Variants in FNIP1 observed in about 807,000 individuals in gnomAD.
FNIP1 encodes folliculin-interacting protein 1.
Under a neutral mutation model 124.5 loss-of-function variants are expected in FNIP1, and 40 were observed. That is an observed-to-expected ratio of 0.32 (90% confidence interval 0.25 to 0.42). The LOEUF is 0.42. Ranked by LOEUF, FNIP1 falls within the 10% of genes least tolerant of loss-of-function variation. The pLI, the probability that FNIP1 is intolerant of heterozygous loss-of-function variation, is 1.00. For missense variants in FNIP1, 1,176 were observed against 1,403.7 expected (o/e 0.84, Z 2.59); for synonymous variants, 472 against 470.6 (o/e 1.00, Z -0.04).
chr5:131,712,179 A>AG lies in FNIP1; in HGVS notation c.623-1519_623-1518insC, dbSNP rs1769314363. Among the ~76,000 whole-genome samples the AG allele has an allele frequency of 2.6e-5, 4 of 151,708 alleles. No individual in the cohort carries two copies. The South Asian group carries it at 8.3e-4, about 31-fold the overall frequency. On this transcript the variant is annotated intron_variant, in intron 6 of 17. Coordinates refer to ENST00000510461, the MANE Select transcript of FNIP1 (RefSeq NM_133372.3). ...TGCTAGTGACTTATTAAAAAATCCT[A>AG]AGTTCCTTCCTCCCTTCCAAAGTTA... is the stretch of plus-strand genomic sequence containing the variant.
intron 1 of FNIP1, among the ~76,000 whole-genome samples, chr5:131,754,045 C>T (rs1233729630): frequency 6.6e-6 from 1 of 152,194 alleles, no homozygotes; most frequent in African/African-American, 2.4e-5. Context: ...ATCTCTTGAC[C>T]TCGTGATGTG....
At chr5:131,786,362 CAAGT>C (rs1407499843) in intron 1 of FNIP1, among the ~76,000 whole-genome samples, 3 of 152,124 alleles carry the variant, frequency 2.0e-5, no homozygotes, top group Non-Finnish European at 2.9e-5. Context: ...AAAACACAAG[CAAGT>C]ATCTGCCACA....
At chr5:131,754,822 G>C (rs1770990447) in intron 1 of FNIP1, among the ~76,000 whole-genome samples, 1 of 152,188 alleles carries the variant, frequency 6.6e-6, no homozygotes, top group Non-Finnish European at 1.5e-5. Flanking sequence ...TTGAAGAACT[G>C]ACAAGATAGA....
Position 131,677,755 on chromosome 5 carries a change from A to C in FNIP1, c.1467T>G (p.Ser489Arg). ...GATGAGTCTTTGCCAACATGTCCAC[A>C]CTCTGAGAGGAATGCTTTTCTAAAA... ...KIFLEKHSSQ[S>R]VDMLAKTHPY... is the part of the protein sequence containing the mutation. The change falls in exon 13 of 18, where the codon AGT (serine) becomes AGG (arginine). Residue 489 changes from serine (S) to arginine (R), a missense_variant. Physicochemically the swap from Ser to Arg is moderately radical, Grantham distance 110. Transcript: ENST00000510461. 1.9e-6 allele frequency: 3 copies of C among 1,614,072 alleles called. No homozygotes were observed. The highest frequency in any genetic ancestry group is 2.5e-6 in the Non-Finnish European group (3 of 1,180,004).
At chr5:131,738,077 T>G (rs1286976097) in intron 2 of FNIP1, among the ~76,000 whole-genome samples, 3 of 152,186 alleles carry the variant, frequency 2.0e-5, no homozygotes, top group Non-Finnish European at 4.4e-5. Context: ...CTTTTCTTTT[T>G]TTTAAGAGTT....
chr5:131,769,042 A>G (rs1471672123), intron 1 of FNIP1, among the ~76,000 whole-genome samples: 5 of 152,176 alleles, frequency 3.3e-5, no homozygotes, highest in Non-Finnish European at 7.3e-5. Context: ...CTTTTAATTT[A>G]CATTTTACTT....
At chr5:131,668,750 T>A (rs1767669502) in intron 15 of FNIP1, among the ~76,000 whole-genome samples, 1 of 152,092 alleles carries the variant, frequency 6.6e-6, no homozygotes, top group South Asian at 2.1e-4. Flanking sequence ...GGCTGAAAAG[T>A]CTCTGTCTCA....
chr5:131,778,032 C>T (rs1313832069), intron 1 of FNIP1, among the ~76,000 whole-genome samples: 1 of 152,166 alleles, frequency 6.6e-6, no homozygotes, highest in Non-Finnish European at 1.5e-5. Context: ...TCCATCTTAG[C>T]ACCACTAGAA....
In FNIP1 at chr5:131,644,410, A is replaced by C; in HGVS notation, c.*275T>G. Reference sequence around the variant, plus strand: ...CTCTTGATAATATTCATTTTGTAGAAATTTCTACCGTACACTTTGGCTTTT... The same window carrying C: ...CTCTTGATAATATTCATTTTGTAGACATTTCTACCGTACACTTTGGCTTTT... On this transcript the variant is annotated 3_prime_UTR_variant, in exon 18 of 18. Coordinates refer to ENST00000510461, the MANE Select transcript of FNIP1 (RefSeq NM_133372.3). 1 of 269,676 alleles carries C rather than the reference A, an allele frequency of 3.7e-6. No individual in the cohort carries two copies. The highest frequency in any genetic ancestry group is 7.1e-6 in the Non-Finnish European group (1 of 141,234). The allele number at this position is 269,676 out of a possible 1,614,324, so 16.7% of individuals were successfully genotyped here.
intron 6 of FNIP1, among the ~76,000 whole-genome samples, chr5:131,715,821 C>G (rs934259038): frequency 6.6e-6 from 1 of 151,716 alleles, no homozygotes; most frequent in East Asian, 1.9e-4. Flanking sequence ...AAAAACTTTT[C>G]TACTAATATA....
intron 11 of FNIP1, among the ~76,000 whole-genome samples, chr5:131,697,160 T>C (rs1024366320): frequency 6.6e-6 from 1 of 152,188 alleles, no homozygotes; most frequent in Non-Finnish European, 1.5e-5. Flanking sequence ...AGAAGATCCC[T>C]GCCCCAGTAA....
intron 13 of FNIP1, among the ~76,000 whole-genome samples, chr5:131,675,933 C>G (rs1451339082): frequency 6.6e-6 from 1 of 152,170 alleles, no homozygotes; most frequent in Non-Finnish European, 1.5e-5. Flanking sequence ...GATCTCGGCT[C>G]ATTGCAACCT....
At chr5:131,773,085 C>T (rs1031182655) in intron 1 of FNIP1, among the ~76,000 whole-genome samples, 1 of 152,112 alleles carries the variant, frequency 6.6e-6, no homozygotes, top group Non-Finnish European at 1.5e-5. Flanking sequence ...ATGAGCATGC[C>T]TCAATTCTGA....
intron 2 of FNIP1, among the ~76,000 whole-genome samples, chr5:131,733,792 T>C (rs1438179654): frequency 3.3e-5 from 5 of 152,188 alleles, no homozygotes; most frequent in African/African-American, 1.2e-4. Context: ...ACAATTCTCT[T>C]TTTTTGTTGT....
rs1377724695 is a variant in FNIP1, at chr5:131,643,311, T to C, written c.*1374A>G. 2 of 152,668 alleles carry C rather than the reference T, an allele frequency of 1.3e-5. No homozygotes were observed. The highest frequency in any genetic ancestry group is 4.8e-5 in the African/African-American group (2 of 41,450). The allele number at this position is 152,668 out of a possible 1,614,324, so 9.5% of individuals were successfully genotyped here. A position where few individuals can be genotyped will look rare whatever the true frequency, so the allele number is the denominator to read the frequency against. On this transcript the variant is annotated 3_prime_UTR_variant, in exon 18 of 18. Coordinates refer to ENST00000510461, the MANE Select transcript of FNIP1 (RefSeq NM_133372.3). Reference sequence around the variant, plus strand: ...GGATGTGTTATATAGTAAATATATTTAATAACTGAATAAACAAGTGGTTTT... The same window carrying C: ...GGATGTGTTATATAGTAAATATATTCAATAACTGAATAAACAAGTGGTTTT...
chr5:131,773,976 C>A (rs1771723811), intron 1 of FNIP1, among the ~76,000 whole-genome samples: 1 of 152,086 alleles, frequency 6.6e-6, no homozygotes, highest in African/African-American at 2.4e-5. Flanking sequence ...GGAGGATGTG[C>A]CCAACATGTG....
chr5:131,692,155 C>T (rs925505901), intron 11 of FNIP1, among the ~76,000 whole-genome samples: 1 of 151,726 alleles, frequency 6.6e-6, no homozygotes, highest in Non-Finnish European at 1.5e-5. Context: ...AAGAATCAAT[C>T]GAAAGAAAAA....
At chr5:131,703,208 C>A (rs539852420) in intron 10 of FNIP1, among the ~76,000 whole-genome samples, 2 of 152,282 alleles carry the variant, frequency 1.3e-5, no homozygotes, top group African/African-American at 4.8e-5. Flanking sequence ...TGGCTGTTTT[C>A]AAAATATATC....
intron 3 of FNIP1, among the ~76,000 whole-genome samples, chr5:131,722,525 G>A (rs994711403): frequency 1.3e-5 from 2 of 152,068 alleles, no homozygotes; most frequent in East Asian, 1.9e-4. Context: ...ACTGTTTTTC[G>A]TTTTATCATG....
Sources: gnomAD v4.1 joint callset for allele counts (sites outside exome capture counted in the v4.1 genomes callset) on GRCh38, gnomAD v4.1.1 for gene constraint, MANE v1.5 for transcripts, NCBI Gene and HGNC (gene_info 2026-07-23, HGNC 2026-07-21) for gene names.